TLK2: variants seen among roughly 807,000 people sequenced by gnomAD.
TLK2 encodes tousled like kinase 2, also known as serine/threonine-protein kinase tousled-like 2.
A neutral mutation model predicts 117.3 loss-of-function variants in TLK2; 6 were observed. The ratio of observed to expected loss-of-function variants is 0.05; its 90% CI spans 0.03 to 0.10. TLK2 has a LOEUF of 0.10. Among genes scored for constraint, TLK2 ranks in the 10% least tolerant of loss-of-function variants. The pLI is 1.00. For missense variants in TLK2, 299 were observed against 901.2 expected, an observed-to-expected ratio of 0.33 and a Z score of 8.56; for synonymous variants, 257 against 316.7, an observed-to-expected ratio of 0.81 and a Z score of 2.00.
intron 7 of TLK2, chr17:62,551,827 A>G (rs1215140345): frequency 5.9e-6 from 1 of 168,596 alleles, no homozygotes; most frequent in Non-Finnish European, 1.3e-5. Flanking sequence ...TCAGCAAGTG[A>G]CAGTATTAGA....
At chr17:62,595,271 G>A (rs1336738545) in intron 16 of TLK2, among the ~76,000 whole-genome samples, 1 of 149,680 alleles carries the variant, frequency 6.7e-6, no homozygotes, top group African/African-American at 2.5e-5. Flanking sequence ...ATGAGCTGCC[G>A]TGCCTGGCCC....
intron 10 of TLK2, 31 bp downstream of exon 10, chr17:62,560,157 A>G (rs377576572): frequency 1.0e-4 from 150 of 1,448,820 alleles, no homozygotes; most frequent in Non-Finnish European, 1.4e-4. Context: ...TAAACTCTGT[A>G]TCCCAAGATA....
chr17:62,573,383 A>G lies in TLK2; in HGVS notation c.1121+16A>G. 1 of 1,612,926 alleles carries G rather than the reference A, an allele frequency of 6.2e-7. No homozygotes were observed. The highest frequency in any genetic ancestry group is 2.2e-5 in the East Asian group (1 of 44,832). On this transcript the variant is annotated intron_variant, in intron 12 of 21. Transcript: ENST00000346027. The stretch of plus-strand genomic sequence containing the variant: ...AAAATGAAACGTATGTTCTTTATTG[A>G]CGTGAACGCTGAGACACCACACCCT...
At chr17:62,474,999 T>C (rs2071010625), upstream of TLK2, among the ~76,000 whole-genome samples, 2 of 152,142 alleles carry the variant, frequency 1.3e-5, no homozygotes, top group Admixed American at 6.6e-5. Flanking sequence ...TGAGCAGAGA[T>C]TGTGCCATTG....
Position 62,573,316 on chromosome 17 carries a change from C to T in TLK2, c.1070C>T (p.Thr357Ile), listed in dbSNP as rs1178234328. The T allele has an allele frequency of 2.5e-6, 4 of 1,614,094 alleles. No homozygotes were observed. Among genetic ancestry groups the T allele is most frequent in the Non-Finnish European group, 3.4e-6 (4 of 1,179,984 alleles). ...GCCATGGGTCAGGCCCCTCCTGCAACCAATGAGCAGAAACAGCGGAAAAGC... is the reference window on the plus strand; with the variant it reads ...GCCATGGGTCAGGCCCCTCCTGCAATCAATGAGCAGAAACAGCGGAAAAGC... ...PPAMGQAPPA[T>I]NEQKQRKSKT... Residue 357 changes from threonine (T) to isoleucine (I), a missense_variant, in exon 12 of 22, where the codon ACC (threonine) becomes ATC (isoleucine). Transcript: ENST00000346027.
chr17:62,496,609 C>T (rs1444543427), intron 2 of TLK2, among the ~76,000 whole-genome samples: 1 of 152,036 alleles, frequency 6.6e-6, no homozygotes, highest in Non-Finnish European at 1.5e-5. Flanking sequence ...TGTGTATATA[C>T]ATGGATGTAT....
rs1024724967 is a variant in TLK2 at position 62,478,906 on chromosome 17, T to G, written c.-390T>G. 2.7e-5 allele frequency: 4 copies of G among 150,044 alleles called. No individual in the cohort carries two copies. The highest frequency in any genetic ancestry group is 9.8e-5 in the African/African-American group (4 of 40,696). 9.3% of individuals were successfully genotyped at this position (150,044 alleles called of 1,614,324 possible). A position where few individuals can be genotyped will look rare whatever the true frequency, so the allele number is the denominator to read the frequency against. ...ACCAGCGGTTCCGACCCCCCCGCCC[T>G]CCGCGCCGCACCCGAGTGGCCCCCA... On this transcript the variant is annotated 5_prime_UTR_variant, in exon 1 of 22. Transcript: ENST00000346027.
At chr17:62,529,284 C>G (rs1415339492) in intron 6 of TLK2, among the ~76,000 whole-genome samples, 1 of 152,114 alleles carries the variant, frequency 6.6e-6, no homozygotes, top group Non-Finnish European at 1.5e-5. Flanking sequence ...GTTGCCCAGG[C>G]TGGAGTTCAG....
chr17:62,587,498 T>A (rs2081711729), intron 16 of TLK2, among the ~76,000 whole-genome samples: 1 of 152,200 alleles, frequency 6.6e-6, no homozygotes, highest in African/African-American at 2.4e-5. Flanking sequence ...TTTAGTTGGC[T>A]TCTAGCCTGG....
chr17:62,569,176 G>A (rs1247243153), intron 11 of TLK2, among the ~76,000 whole-genome samples: 1 of 151,138 alleles, frequency 6.6e-6, no homozygotes, highest in Admixed American at 6.6e-5. Context: ...ATGGTGGCGT[G>A]CACCTATAGT....
rs28403495 is a variant in TLK2 at position 62,589,819 on chromosome 17, T to C, written c.1460+3593T>C. ...TTTAAACTTTTTGTTTGTTTTTTGT[T>C]TTTTTGAGACAGAGTCTCACTCTGT... On this transcript the variant is annotated intron_variant, in intron 16 of 21. Transcript: ENST00000346027. Among the ~76,000 whole-genome samples the C allele has an allele frequency of 6.8e-3, 1,040 of 152,146 alleles. 7 individuals are homozygous for C. Among genetic ancestry groups the C allele is most frequent in the African/African-American group, 0.023 (967 of 41,526 alleles).
intron 7 of TLK2, chr17:62,552,041 C>T (rs1212983330): frequency 1.3e-5 from 6 of 447,334 alleles, no homozygotes; most frequent in South Asian, 2.5e-5. Context: ...CTCTAATTTT[C>T]ATATTTTAAA....
Position 62,573,749 on chromosome 17 carries a change from TC to T in TLK2, c.1121+383del, listed in dbSNP as rs2080511346. Reference sequence around the variant, plus strand: ...GCTGTTATTTCAGACTGAAGAATGCTCTTTACTGGTCAAAAGAGCACTTAGT... The same window carrying T: ...GCTGTTATTTCAGACTGAAGAATGCTTTTACTGGTCAAAAGAGCACTTAGT... On this transcript the variant is annotated intron_variant, in intron 12 of 21. Coordinates refer to ENST00000346027, the MANE Select transcript of TLK2 (RefSeq NM_006852.6). Among the ~76,000 whole-genome samples the T allele has an allele frequency of 2.6e-5, 4 of 152,316 alleles. No homozygotes were observed. In the South Asian group the frequency reaches 8.3e-4, roughly 32 times the overall value.
At chr17:62,548,893 C>T (rs928154719) in intron 7 of TLK2, among the ~76,000 whole-genome samples, 7 of 150,664 alleles carry the variant, frequency 4.6e-5, no homozygotes, top group Non-Finnish European at 8.9e-5. Context: ...CCCGCCCCCA[C>T]GCCCAGATTA....
At position 62,578,223 on chromosome 17, in the gene TLK2, G is replaced by C. The variant is rs556900209; in HGVS notation, c.1189-254G>C. ...ACTTAATAGTGGTTATTACATCTCAGGAGTGGGCATGGAGAGGAGGGAGGA... is the reference window on the plus strand; with the variant it reads ...ACTTAATAGTGGTTATTACATCTCACGAGTGGGCATGGAGAGGAGGGAGGA... On this transcript the variant is annotated intron_variant, in intron 13 of 21. Coordinates refer to ENST00000346027, the MANE Select transcript of TLK2 (RefSeq NM_006852.6). 1.3e-4 allele frequency among the ~76,000 whole-genome samples: 20 copies of C among 152,228 alleles called. No homozygotes were observed. The South Asian group carries it at 3.9e-3, about 30-fold the overall frequency.
intron 16 of TLK2, among the ~76,000 whole-genome samples, chr17:62,594,789 TACACAC>T (rs143695451): frequency 0.018 from 2,645 of 145,484 alleles, 43 homozygotes; most frequent in African/African-American, 0.041. Context: ...GCAGGGCGGG[TACACAC>T]ACACACACAC....
rs568484194 is a variant in TLK2 at position 62,473,791 on chromosome 17, A to G, written c.-205+2713A>G. Among the ~76,000 whole-genome samples, 58 of 152,360 alleles carry G rather than the reference A, an allele frequency of 3.8e-4. 1 individual carries two copies. The South Asian group carries it at 0.011, about 30-fold the overall frequency. ...CATTGTTTGTGGCTACTTCCCTTTT[A>G]ACCAGCAGAGTTGGTAGTTACGACA... On this transcript the variant is annotated intron_variant, in intron 1 of 4. Coordinates refer to the TLK2 transcript ENST00000579450.
intron 7 of TLK2, among the ~76,000 whole-genome samples, chr17:62,546,118 G>C (rs1287535865): frequency 2.6e-5 from 4 of 152,054 alleles, no homozygotes; most frequent in Non-Finnish European, 4.4e-5. Flanking sequence ...CTGACCTCAA[G>C]TGATCTGCCC....
At chr17:62,527,837 G>T (rs1349633515) in intron 6 of TLK2, among the ~76,000 whole-genome samples, 2 of 151,946 alleles carry the variant, frequency 1.3e-5, no homozygotes, top group African/African-American at 4.8e-5. Context: ...CCGCCTTCCA[G>T]TTTCAAGCGA....
Sources: gnomAD v4.1 joint callset for allele counts (sites outside exome capture counted in the v4.1 genomes callset) on GRCh38, gnomAD v4.1.1 for gene constraint, MANE v1.5 for transcripts, NCBI Gene and HGNC (gene_info 2026-07-23, HGNC 2026-07-21) for gene names.